LRRC7: variants seen among roughly 807,000 people sequenced by gnomAD.
The protein encoded by LRRC7 is leucine-rich repeat-containing protein 7.
In LRRC7, 23 loss-of-function variants were observed where a neutral mutation model predicts 175.7. The ratio of observed to expected loss-of-function variants is 0.13; its 90% CI spans 0.09 to 0.19. The LOEUF (loss-of-function observed/expected upper bound fraction) is 0.19. Ranked by LOEUF, LRRC7 falls within the 10% of genes least tolerant of loss-of-function variation. The probability of loss-of-function intolerance (pLI) is 1.00; values close to 1 mark genes in which losing one functional copy is unlikely to be tolerated. For synonymous variants in LRRC7, 685 were observed against 680.9 expected (o/e 1.01, Z -0.09); for missense variants, 1,354 against 1,904.7 (o/e 0.71, Z 5.38).
At chr1:70,046,106 A>G (rs774479801) in intron 22 of LRRC7, among the ~76,000 whole-genome samples, 1 of 152,110 alleles carries the variant, frequency 6.6e-6, no homozygotes, top group Non-Finnish European at 1.5e-5. Flanking sequence ...CTGAAGTTAT[A>G]TCATATGAAG....
intron 4 of LRRC7, among the ~76,000 whole-genome samples, chr1:69,816,070 T>A (rs972409969): frequency 9.2e-5 from 14 of 152,048 alleles, no homozygotes; most frequent in African/African-American, 3.1e-4. Context: ...AATCCCCACC[T>A]CCTGGGTTCA....
At chr1:70,027,550 T>C (rs187713585) in intron 17 of LRRC7, among the ~76,000 whole-genome samples, 10 of 152,298 alleles carry the variant, frequency 6.6e-5, no homozygotes, top group African/African-American at 1.9e-4. Flanking sequence ...AGCATGTTAC[T>C]TTCTTAGGGT....
intron 2 of LRRC7, among the ~76,000 whole-genome samples, chr1:69,687,519 C>CAAAAAAAAAAAAAA (rs1557600868): frequency 5.0e-5 from 1 of 19,944 alleles, no homozygotes; most frequent in Non-Finnish European, 1.3e-4. Context: ...CAAGAAAAAA[C>CAAAAAAAAAAAAAA]CAAAAAAAAA....
chr1:69,685,950 C>A lies in LRRC7; in HGVS notation c.100+7472C>A, dbSNP rs1021754986. ...ATTTCATAATTAAACTTGTGAGAAC[C>A]AAAGATAAAGAAAAATATTTAAAAC... On this transcript the variant is annotated intron_variant, in intron 2 of 26. Transcript: ENST00000651989. Among the ~76,000 whole-genome samples the A allele has an allele frequency of 2.7e-5, 4 of 148,704 alleles. No homozygotes were observed. The South Asian group carries it at 8.5e-4, about 31-fold the overall frequency.
intron 7 of LRRC7, among the ~76,000 whole-genome samples, chr1:69,862,690 CATT>C (rs1376617734): frequency 6.6e-6 from 1 of 152,062 alleles, no homozygotes; most frequent in East Asian, 1.9e-4. Context: ...TTTTTAGAGT[CATT>C]GTTCATATCT....
intron 1 of LRRC7, among the ~76,000 whole-genome samples, chr1:69,656,174 T>G (rs2100508973): frequency 6.6e-6 from 1 of 152,118 alleles, no homozygotes; most frequent in Admixed American, 6.6e-5. Flanking sequence ...TAGTAAGAAT[T>G]TTAAGCATTC....
rs187125571 is a variant in LRRC7, at chr1:69,875,390, T to C, written c.647+37107T>C. Reference sequence around the variant, plus strand: ...TGTATGTGTAGCATAAAGGAAACTTTTCTTAATGAAAAGAAATTAACAAGT... The same window carrying C: ...TGTATGTGTAGCATAAAGGAAACTTCTCTTAATGAAAAGAAATTAACAAGT... On this transcript the variant is annotated intron_variant, in intron 7 of 26. Transcript: ENST00000651989. Among the ~76,000 whole-genome samples the C allele has an allele frequency of 3.9e-3, 593 of 152,204 alleles. 4 individuals carry two copies. The highest frequency in any genetic ancestry group is 0.013 in the African/African-American group (561 of 41,572).
chr1:69,670,287 G>C (rs1373559476), intron 1 of LRRC7, among the ~76,000 whole-genome samples: 1 of 152,166 alleles, frequency 6.6e-6, no homozygotes, highest in East Asian at 1.9e-4. Context: ...CTGCATTAGG[G>C]AGAACCCGAA....
chr1:70,082,890 A>G (rs1663328414), intron 24 of LRRC7, among the ~76,000 whole-genome samples: 2 of 144,856 alleles, frequency 1.4e-5, no homozygotes, highest in African/African-American at 5.1e-5. Flanking sequence ...GATTCAAGCA[A>G]TTCTCCTGCC....
At chr1:69,668,050 C>A (rs1166023288) in intron 1 of LRRC7, among the ~76,000 whole-genome samples, 2 of 152,038 alleles carry the variant, frequency 1.3e-5, no homozygotes, top group Admixed American at 6.6e-5. Context: ...AAGCTGATAA[C>A]AACAACACTA....
Position 69,617,804 on chromosome 1 carries a change from G to A in LRRC7, c.2+49163G>A, listed in dbSNP as rs560328748. 2.0e-5 allele frequency among the ~76,000 whole-genome samples: 3 copies of A among 152,120 alleles called. No homozygotes were observed. The East Asian group carries it at 5.8e-4, about 30-fold the overall frequency. On this transcript the variant is annotated intron_variant, in intron 1 of 26. Transcript: ENST00000651989. ...TAATCCAAGATTGCATTTAGCCACT[G>A]GATCCAGGTCAACATATAGCTACTT...
intron 1 of LRRC7, among the ~76,000 whole-genome samples, chr1:69,677,172 G>A (rs947491449): frequency 7.4e-6 from 1 of 134,776 alleles, no homozygotes; most frequent in Non-Finnish European, 1.6e-5. Flanking sequence ...ATATATATGA[G>A]CGTGTGTATA....
intron 1 of LRRC7, among the ~76,000 whole-genome samples, chr1:69,571,716 G>C (rs1234510603): frequency 6.6e-6 from 1 of 151,998 alleles, no homozygotes; most frequent in Non-Finnish European, 1.5e-5. Context: ...TTTATTTGCT[G>C]AATGACTGTG....
chr1:70,078,800 G>GCA (rs1195352931), intron 24 of LRRC7, among the ~76,000 whole-genome samples: 18 of 102,556 alleles, frequency 1.8e-4, no homozygotes, highest in African/African-American at 1.0e-3. Flanking sequence ...ATACGCGCGC[G>GCA]CGCGCGCGCG....
chr1:69,653,502 A>C (rs558293218), intron 1 of LRRC7, among the ~76,000 whole-genome samples: 227 of 151,464 alleles, frequency 1.5e-3, no homozygotes, highest in Non-Finnish European at 2.8e-3. Flanking sequence ...AAAAAAAAAG[A>C]AAACTGTTAG....
chr1:69,620,219 GTT>G (rs978365859), intron 1 of LRRC7, among the ~76,000 whole-genome samples: 1 of 151,408 alleles, frequency 6.6e-6, no homozygotes, highest in African/African-American at 2.4e-5. Flanking sequence ...TGATTAAACT[GTT>G]TTTTAAATTA....
intron 2 of LRRC7, among the ~76,000 whole-genome samples, chr1:69,710,262 T>A (rs1210936943): frequency 8.6e-5 from 9 of 104,078 alleles, no homozygotes; most frequent in African/African-American, 3.5e-4. Context: ...CTGGGCGACA[T>A]AGCAAGACTC....
intron 1 of LRRC7, among the ~76,000 whole-genome samples, chr1:69,601,106 G>A (rs1001770749): frequency 2.6e-5 from 4 of 152,076 alleles, no homozygotes; most frequent in South Asian, 2.1e-4. Flanking sequence ...ATGAGCCACC[G>A]TGCCTCGCCC....
At chr1:69,820,684 C>T (rs901114005) in intron 4 of LRRC7, among the ~76,000 whole-genome samples, 1 of 151,858 alleles carries the variant, frequency 6.6e-6, no homozygotes, top group Non-Finnish European at 1.5e-5. Context: ...CTGCAAAGGA[C>T]ATGAACTCAT....
Sources: allele counts gnomAD v4.1 joint callset (sites outside exome capture counted in the v4.1 genomes callset), GRCh38; gene constraint gnomAD v4.1.1; transcripts MANE v1.5; gene names NCBI Gene and HGNC (gene_info 2026-07-23, HGNC 2026-07-21).